The following HDAC9 variants were observed in gnomAD, a reference collection of about 807,000 sequenced individuals.
HDAC9 encodes the protein MEF-2 interacting transcription repressor (MITR) protein.
Under a neutral mutation model 139.4 loss-of-function variants are expected in HDAC9, and 41 were observed. The ratio of observed to expected loss-of-function variants is 0.29; its 90% CI spans 0.23 to 0.38. The LOEUF (loss-of-function observed/expected upper bound fraction) is 0.38. Among genes scored for constraint, HDAC9 ranks in the 10% least tolerant of loss-of-function variants. The pLI is 1.00. For missense variants in HDAC9, 1,147 were observed against 1,297.0 expected, an observed-to-expected ratio of 0.88 and a Z score of 1.78; for synonymous variants, 517 against 476.2, an observed-to-expected ratio of 1.09 and a Z score of -1.12.
At chr7:18,237,856 G>A (rs1220371774) in intron 2 of HDAC9, among the ~76,000 whole-genome samples, 1 of 152,208 alleles carries the variant, frequency 6.6e-6, no homozygotes, top group Non-Finnish European at 1.5e-5. Context: ...TATCAAAGGT[G>A]ATGGTTGAAG....
intron 24 of HDAC9, among the ~76,000 whole-genome samples, chr7:18,964,646 G>A (rs558756482): frequency 6.6e-6 from 1 of 152,294 alleles, no homozygotes; most frequent in Admixed American, 6.5e-5. Flanking sequence ...GGCTGGGAAG[G>A]CCTCAGGAAA....
intron 1 of HDAC9, among the ~76,000 whole-genome samples, chr7:18,421,655 A>C (rs1789630346): frequency 6.6e-6 from 1 of 152,156 alleles, no homozygotes; most frequent in Non-Finnish European, 1.5e-5. Flanking sequence ...ATAATTTCCT[A>C]AATTATTTCT....
chr7:18,197,984 A>G (rs1433868198), intron 2 of HDAC9, among the ~76,000 whole-genome samples: 1 of 152,192 alleles, frequency 6.6e-6, no homozygotes, highest in African/African-American at 2.4e-5. Context: ...AATTTGTAGG[A>G]TTCCTTACAA....
At chr7:18,788,779 T>C (rs1014840370) in intron 16 of HDAC9, among the ~76,000 whole-genome samples, 1 of 147,404 alleles carries the variant, frequency 6.8e-6, no homozygotes, top group African/African-American at 2.5e-5. Flanking sequence ...AAGACCCAAA[T>C]ATCAACCAAA....
upstream of HDAC9, among the ~76,000 whole-genome samples, chr7:18,287,043 T>A (rs1797496791): frequency 6.6e-6 from 1 of 152,214 alleles, no homozygotes. Flanking sequence ...AATTTTTACA[T>A]CTGATCTTTA....
intron 24 of HDAC9, among the ~76,000 whole-genome samples, chr7:18,961,551 C>T (rs1783530659): frequency 1.3e-5 from 2 of 151,950 alleles, no homozygotes; most frequent in African/African-American, 2.4e-5. Context: ...CAGTATCCTC[C>T]GGAATATACA....
intron 1 of HDAC9, among the ~76,000 whole-genome samples, chr7:18,379,001 G>T (rs1368458580): frequency 6.6e-6 from 1 of 152,052 alleles, no homozygotes; most frequent in Non-Finnish European, 1.5e-5. Flanking sequence ...CTTTTTAGAA[G>T]ATTTATACCT....
intron 1 of HDAC9, among the ~76,000 whole-genome samples, chr7:18,407,600 A>C (rs1203146183): frequency 6.6e-6 from 1 of 152,220 alleles, no homozygotes; most frequent in Non-Finnish European, 1.5e-5. Context: ...TCTCTAGCAG[A>C]ATGTGGGTAG....
chr7:18,482,876 G>T (rs551356426), intron 1 of HDAC9, among the ~76,000 whole-genome samples: 4 of 152,244 alleles, frequency 2.6e-5, no homozygotes, highest in South Asian at 4.1e-4. Flanking sequence ...GCCATTGGAA[G>T]AACTAACACT....
chr7:18,140,841 C>T (rs2128109585), intron 1 of HDAC9, among the ~76,000 whole-genome samples: 1 of 150,724 alleles, frequency 6.6e-6, no homozygotes, highest in Non-Finnish European at 1.5e-5. Context: ...AAAAACAAAG[C>T]AATTTCTTTG....
At chr7:18,091,946 C>A (rs1365641074) in intron 1 of HDAC9, among the ~76,000 whole-genome samples, 1 of 152,144 alleles carries the variant, frequency 6.6e-6, no homozygotes, top group East Asian at 1.9e-4. Context: ...TTAAAGCTAG[C>A]AAGGAAGTCT....
At chr7:18,183,183 G>T (rs546986010) in intron 2 of HDAC9, among the ~76,000 whole-genome samples, 8 of 151,980 alleles carry the variant, frequency 5.3e-5, no homozygotes, top group Non-Finnish European at 1.2e-4. Context: ...CTAATTTTTT[G>T]TATTTTTAGT....
intron 7 of HDAC9, among the ~76,000 whole-genome samples, chr7:18,633,597 G>T (rs2128987855): frequency 6.6e-6 from 1 of 152,188 alleles, no homozygotes; most frequent in South Asian, 2.1e-4. Context: ...AGAAAGAAAA[G>T]ATGCTGGTGG....
At chr7:18,844,624 C>A (rs940710312) in intron 21 of HDAC9, among the ~76,000 whole-genome samples, 2 of 151,906 alleles carry the variant, frequency 1.3e-5, no homozygotes, top group Non-Finnish European at 2.9e-5. Flanking sequence ...CTGGAGTTAC[C>A]GAAATGGACT....
chr7:18,699,731 A>G (rs1474389314), intron 12 of HDAC9, among the ~76,000 whole-genome samples: 1 of 152,058 alleles, frequency 6.6e-6, no homozygotes, highest in Non-Finnish European at 1.5e-5. Flanking sequence ...GATATTCCCC[A>G]TTGATTCCAG....
intron 1 of HDAC9, among the ~76,000 whole-genome samples, chr7:18,142,285 C>G (rs1441606185): frequency 6.6e-6 from 1 of 152,146 alleles, no homozygotes; most frequent in Admixed American, 6.5e-5. Flanking sequence ...CCCAATGAAA[C>G]AACCCTTGAA....
intron 2 of HDAC9, among the ~76,000 whole-genome samples, chr7:18,568,677 T>G (rs1191331765): frequency 5.3e-5 from 8 of 152,236 alleles, no homozygotes; most frequent in African/African-American, 1.9e-4. Flanking sequence ...TGATAATTTT[T>G]AACCTAATTC....
At position 18,861,714 on chromosome 7, in the gene HDAC9, A is replaced by G. The variant is rs116710515; in HGVS notation, c.2685-12764A>G. Among the ~76,000 whole-genome samples the G allele has an allele frequency of 2.4e-3, 372 of 152,268 alleles. 1 individual carries two copies. Among genetic ancestry groups the G allele is most frequent in the African/African-American group, 8.4e-3 (349 of 41,550 alleles). On this transcript the variant is annotated intron_variant, in intron 21 of 25. Transcript: ENST00000686413. Reference sequence around the variant, plus strand: ...CAAGGAAAGTCCCTCATTGCCTTCAAATATCATTATTTTTTAAACACATAG... The same window carrying G: ...CAAGGAAAGTCCCTCATTGCCTTCAGATATCATTATTTTTTAAACACATAG...
chr7:18,190,060 C>T (rs968992375), intron 2 of HDAC9, among the ~76,000 whole-genome samples: 2 of 152,052 alleles, frequency 1.3e-5, no homozygotes, highest in Non-Finnish European at 2.9e-5. Flanking sequence ...CTGCCTCAAC[C>T]TCCCAACTAG....
Sources: gnomAD v4.1 joint callset for allele counts (sites outside exome capture counted in the v4.1 genomes callset) on GRCh38, gnomAD v4.1.1 for gene constraint, MANE v1.5 for transcripts, NCBI Gene and HGNC (gene_info 2026-07-23, HGNC 2026-07-21) for gene names.